RPS6KA5: variants seen among roughly 807,000 people sequenced by gnomAD.
RPS6KA5 encodes ribosomal protein S6 kinase A5.
In RPS6KA5, 27 loss-of-function variants were observed where a neutral mutation model predicts 85.5. The observed-to-expected ratio is 0.32, with a 90% CI of 0.23 to 0.44. The LOEUF is 0.44. RPS6KA5 is among the 20% of genes least tolerant of loss of function. The pLI is 1.00. For synonymous variants in RPS6KA5, 334 were observed against 348.2 expected (o/e 0.96, Z 0.46); for missense variants, 811 against 980.9 (o/e 0.83, Z 2.31).
chr14:91,036,871 G>A (rs925755309), intron 1 of RPS6KA5, among the ~76,000 whole-genome samples: 11 of 152,294 alleles, frequency 7.2e-5, no homozygotes, highest in African/African-American at 2.2e-4. Context: ...TCTCTCACCT[G>A]TACCTTCTGC....
chr14:91,047,622 AGTAAGTT>A (rs2139927948), intron 1 of RPS6KA5, among the ~76,000 whole-genome samples: 1 of 151,454 alleles, frequency 6.6e-6, no homozygotes, highest in East Asian at 1.9e-4. Context: ...ATCCAATCTT[AGTAAGTT>A]GTATTAGTTT....
chr14:91,035,586 A>G (rs1258377948), intron 1 of RPS6KA5, among the ~76,000 whole-genome samples: 2 of 152,026 alleles, frequency 1.3e-5, no homozygotes, highest in African/African-American at 4.8e-5. Context: ...ATTTGGAAAC[A>G]CTGCAGTAAA....
intron 3 of RPS6KA5, among the ~76,000 whole-genome samples, chr14:90,962,061 T>A (rs1238094728): frequency 6.6e-6 from 1 of 152,098 alleles, no homozygotes; most frequent in Non-Finnish European, 1.5e-5. Flanking sequence ...GATCAATACA[T>A]CTCTCTTGAT....
intron 12 of RPS6KA5, among the ~76,000 whole-genome samples, chr14:90,897,112 T>C (rs577948196): frequency 6.6e-6 from 1 of 152,286 alleles, no homozygotes; most frequent in East Asian, 1.9e-4. Context: ...TAGATTCTTA[T>C]AAGGAGTGCT....
intron 3 of RPS6KA5, among the ~76,000 whole-genome samples, chr14:90,955,382 G>A (rs186968655): frequency 6.6e-6 from 1 of 152,236 alleles, no homozygotes; most frequent in East Asian, 1.9e-4. Flanking sequence ...ATTTTCCTGA[G>A]TAGCTAGGAT....
intron 1 of RPS6KA5, among the ~76,000 whole-genome samples, chr14:91,035,847 CAAAAAAAA>C (rs199625173): frequency 4.4e-4 from 31 of 69,874 alleles, no homozygotes; most frequent in African/African-American, 1.8e-3. Context: ...CCCTCACCTT[CAAAAAAAA>C]AAAAAAAAAA....
Position 90,857,544 on chromosome 14 carries a change from G to A in RPS6KA5, c.*14530C>T, listed in dbSNP as rs2032343175. Reference sequence around the variant, plus strand: ...AAATTGTCAAATAATTGTGCTCCCGGTGAGATTTTTATGTAACACAGAAAC... The same window carrying A: ...AAATTGTCAAATAATTGTGCTCCCGATGAGATTTTTATGTAACACAGAAAC... On this transcript the variant is annotated 3_prime_UTR_variant, in exon 17 of 17. Coordinates refer to ENST00000614987, the MANE Select transcript of RPS6KA5 (RefSeq NM_004755.4). 6.6e-6 allele frequency: 1 copy of A among 152,186 alleles called. No individual in the cohort carries two copies. The highest frequency in any genetic ancestry group is 6.5e-5 in the Admixed American group (1 of 15,280). The allele number at this position is 152,186 out of a possible 1,614,324, so 9.4% of individuals were successfully genotyped here. A position where few individuals can be genotyped will look rare whatever the true frequency, so the allele number is the denominator to read the frequency against.
At chr14:90,983,584 G>A (rs1469975606) in intron 2 of RPS6KA5, among the ~76,000 whole-genome samples, 1 of 151,470 alleles carries the variant, frequency 6.6e-6, no homozygotes, top group Admixed American at 6.6e-5. Context: ...CTGGGCAACA[G>A]GGCAAAACTC....
chr14:90,982,902 A>T (rs934219032), intron 2 of RPS6KA5, among the ~76,000 whole-genome samples: 1 of 152,180 alleles, frequency 6.6e-6, no homozygotes, highest in Non-Finnish European at 1.5e-5. Flanking sequence ...TCATGAGGTC[A>T]GGAGATGGAG....
intron 5 of RPS6KA5, among the ~76,000 whole-genome samples, chr14:90,927,937 CT>C (rs386382140): frequency 1.0e-4 from 14 of 136,490 alleles, no homozygotes; most frequent in Non-Finnish European, 1.1e-4. Context: ...CTTTTCTTTT[CT>C]TTTTTTTTTT....
rs1319947968 is a variant in RPS6KA5, at chr14:90,854,530, T to G, written c.*17544A>C. On this transcript the variant is annotated 3_prime_UTR_variant, in exon 17 of 17. Transcript: ENST00000614987. ...ATCATTAGAAAAAGTTTTCTGGATG[T>G]GTATATGAGCAGGGTTTGATTATTC... 2.0e-5 allele frequency: 3 copies of G among 152,196 alleles called. No homozygotes were observed. Among genetic ancestry groups the G allele is most frequent in the South Asian group, 2.1e-4 (1 of 4,836 alleles). 9.4% of individuals were successfully genotyped at this position (152,196 alleles called of 1,614,324 possible). A position where few individuals can be genotyped will look rare whatever the true frequency, so the allele number is the denominator to read the frequency against.
chr14:90,873,389 T>A (rs2033243886), intron 16 of RPS6KA5, among the ~76,000 whole-genome samples: 1 of 152,208 alleles, frequency 6.6e-6, no homozygotes, highest in Non-Finnish European at 1.5e-5. Context: ...TCTCATCTCA[T>A]AAGGTCATTC....
chr14:90,990,744 G>A (rs954905567), intron 2 of RPS6KA5, among the ~76,000 whole-genome samples: 4 of 151,954 alleles, frequency 2.6e-5, no homozygotes, highest in South Asian at 2.1e-4. Flanking sequence ...GCAGCAACAC[G>A]GATACAGCTG....
chr14:90,937,606 A>G (rs1401753159), intron 5 of RPS6KA5, among the ~76,000 whole-genome samples: 2 of 152,170 alleles, frequency 1.3e-5, no homozygotes, highest in East Asian at 3.8e-4. Flanking sequence ...TTCACAAAAG[A>G]AAGAGGTTTA....
At chr14:90,952,147 A>AT (rs1192903123) in intron 3 of RPS6KA5, among the ~76,000 whole-genome samples, 1 of 152,152 alleles carries the variant, frequency 6.6e-6, no homozygotes, top group Non-Finnish European at 1.5e-5. Context: ...ACATTCAAAC[A>AT]TTATGCTTTG....
At chr14:90,891,343 G>C (rs2034544868) in intron 13 of RPS6KA5, among the ~76,000 whole-genome samples, 1 of 151,212 alleles carries the variant, frequency 6.6e-6, no homozygotes, top group Non-Finnish European at 1.5e-5. Context: ...TTCTCCAACA[G>C]CTAATACTTC....
Position 90,849,227 on chromosome 14 carries a change from AACAG to A in RPS6KA5, c.*22843_*22846del, listed in dbSNP as rs2140090290. The stretch of plus-strand genomic sequence containing the variant: ...ATTAGCTACTGCTTATCAGGCAACT[AACAG>A]AGCCGGCAACAGAAAGGTTACAAGG... On this transcript the variant is annotated 3_prime_UTR_variant, in exon 17 of 17. Coordinates refer to ENST00000614987, the MANE Select transcript of RPS6KA5 (RefSeq NM_004755.4). The A allele has an allele frequency of 2.0e-5, 3 of 152,350 alleles. No individual in the cohort carries two copies. In the South Asian group the frequency reaches 6.2e-4, roughly 32 times the overall value. 9.4% of individuals were successfully genotyped at this position (152,350 alleles called of 1,614,324 possible). A position where few individuals can be genotyped will look rare whatever the true frequency, so the allele number is the denominator to read the frequency against.
chr14:91,034,885 T>A (rs1296845020), intron 1 of RPS6KA5, among the ~76,000 whole-genome samples: 1 of 151,642 alleles, frequency 6.6e-6, no homozygotes, highest in Non-Finnish European at 1.5e-5. Context: ...CTGCTTTAAG[T>A]CAATCCATTT....
chr14:90,998,967 C>T (rs1265935091), intron 2 of RPS6KA5, among the ~76,000 whole-genome samples: 1 of 152,118 alleles, frequency 6.6e-6, no homozygotes, highest in African/African-American at 2.4e-5. Flanking sequence ...TGATGGCTCA[C>T]GTCTGTAATA....
Sources: gnomAD v4.1 joint callset for allele counts (sites outside exome capture counted in the v4.1 genomes callset) on GRCh38, gnomAD v4.1.1 for gene constraint, MANE v1.5 for transcripts, NCBI Gene and HGNC (gene_info 2026-07-23, HGNC 2026-07-21) for gene names.